RTF2: variants seen among roughly 807,000 people sequenced by gnomAD.
The protein encoded by RTF2 is UPF0549 protein C20orf43.
In RTF2, 18 loss-of-function variants were observed where a neutral mutation model predicts 38.0. The observed-to-expected ratio is 0.47, with a 90% CI of 0.33 to 0.70. The LOEUF is 0.70. Among genes scored for constraint, RTF2 ranks in the 30% least tolerant of loss-of-function variants. The pLI, the probability that RTF2 is intolerant of heterozygous loss-of-function variation, is 0.02. For synonymous variants in RTF2, 126 were observed against 137.1 expected, an observed-to-expected ratio of 0.92 and a Z score of 0.57; for missense variants, 311 against 379.6, an observed-to-expected ratio of 0.82 and a Z score of 1.50.
chr20:56,495,304 G>A (rs1386482427), intron 5 of RTF2: 2 of 1,548,528 alleles, frequency 1.3e-6, no homozygotes, highest in African/African-American at 2.7e-5. Flanking sequence ...GCATCTAAGA[G>A]GAAAACAAAA....
At position 56,476,999 on chromosome 20, in the gene RTF2, G is replaced by A. The variant is rs892645293; in HGVS notation, c.273G>A (p.Leu91=). ...GTTTTTCCCAGAATGTGACAGAGCTGAAGCTTTCTGATAATCCTGCCTGGG... is the reference window on the plus strand; with the variant it reads ...GTTTTTCCCAGAATGTGACAGAGCTAAAGCTTTCTGATAATCCTGCCTGGG... ...HIKSIKNVTE[L]KLSDNPAWEG... is the part of the protein sequence containing the mutation. The change falls in exon 4 of 9, where the codon CTG becomes CTA. Residue 91 remains leucine, a synonymous_variant. Transcript: ENST00000357348. 1 of 1,613,900 alleles carries A rather than the reference G, an allele frequency of 6.2e-7. No individual in the cohort carries two copies. Among genetic ancestry groups the A allele is most frequent in the Admixed American group, 1.7e-5 (1 of 59,998 alleles).
intron 1 of RTF2, among the ~76,000 whole-genome samples, chr20:56,472,090 G>T (rs192086640): frequency 6.6e-6 from 1 of 151,468 alleles, no homozygotes; most frequent in East Asian, 1.9e-4. Flanking sequence ...GGGAATTGGC[G>T]CTTGCTTGTA....
At chr20:56,509,284 A>G (rs1264855841) in intron 5 of RTF2, among the ~76,000 whole-genome samples, 1 of 152,154 alleles carries the variant, frequency 6.6e-6, no homozygotes, top group Non-Finnish European at 1.5e-5. Context: ...TAAAACCACA[A>G]TGAGACAGCA....
At chr20:56,470,812 A>G in intron 1 of RTF2, 1 of 385,348 alleles carries the variant, frequency 2.6e-6, no homozygotes. Flanking sequence ...GTTGCCGACA[A>G]CATCCACATG....
intron 5 of RTF2, among the ~76,000 whole-genome samples, chr20:56,495,453 G>A (rs1983463477): frequency 6.6e-6 from 1 of 152,178 alleles, no homozygotes; most frequent in Non-Finnish European, 1.5e-5. Context: ...TGTTTCACTT[G>A]TAACATCGGA....
At chr20:56,494,186 A>G (rs1332271631) in intron 5 of RTF2, among the ~76,000 whole-genome samples, 1 of 152,228 alleles carries the variant, frequency 6.6e-6, no homozygotes, top group African/African-American at 2.4e-5. Context: ...ATGGATGGCC[A>G]CGCTACTGCC....
intron 1 of RTF2, among the ~76,000 whole-genome samples, chr20:56,469,353 A>G (rs1056359455): frequency 6.6e-6 from 1 of 152,210 alleles, no homozygotes; most frequent in Admixed American, 6.5e-5. Context: ...TTCCTGGCAC[A>G]CTAAATATTT....
At chr20:56,513,775 G>T in intron 6 of RTF2, 2 of 237,122 alleles carry the variant, frequency 8.4e-6, no homozygotes, top group South Asian at 1.3e-4. Context: ...AGCCACCACC[G>T]TTGCTGCTGC....
At chr20:56,480,378 C>G (rs1475518766) in intron 4 of RTF2, among the ~76,000 whole-genome samples, 1 of 152,222 alleles carries the variant, frequency 6.6e-6, no homozygotes, top group African/African-American at 2.4e-5. Flanking sequence ...GGGCCTTGCT[C>G]TGGGTTAGGC....
chr20:56,495,356 C>CTAA, intron 5 of RTF2: 1 of 1,300,640 alleles, frequency 7.7e-7, no homozygotes, highest in Non-Finnish European at 1.1e-6. Context: ...TCTTTTAGTA[C>CTAA]AAGTTCTTCT....
chr20:56,470,573 G>T (rs528954998), intron 1 of RTF2: 1 of 455,986 alleles, frequency 2.2e-6, no homozygotes, highest in Admixed American at 2.3e-5. Flanking sequence ...TTTCCTGGGT[G>T]ACGGGATCAT....
In RTF2 at chr20:56,518,351, T is replaced by C. The variant is rs1297733459; in HGVS notation, c.*86T>C. ...CTTTGTGCCTCTGAGTGCGCTGCTG[T>C]GTGTTCTCTCTATAGTTCTGTGTCA... is the stretch of plus-strand genomic sequence containing the variant. On this transcript the variant is annotated 3_prime_UTR_variant, in exon 9 of 9. Transcript: ENST00000357348. The C allele has an allele frequency of 2.5e-5, 33 of 1,316,932 alleles. No homozygotes were observed. Among genetic ancestry groups the C allele is most frequent in the Non-Finnish European group, 3.5e-5 (33 of 945,176 alleles). The allele number at this position is 1,316,932 out of a possible 1,614,324, so 81.6% of individuals were successfully genotyped here.
chr20:56,499,283 G>A (rs1440944666), intron 5 of RTF2, among the ~76,000 whole-genome samples: 5 of 141,946 alleles, frequency 3.5e-5, no homozygotes, highest in East Asian at 2.1e-4. Flanking sequence ...CACAATCTCC[G>A]CCTCCCGGGT....
chr20:56,491,358 G>GTTTTTT, intron 5 of RTF2: 1 of 574,912 alleles, frequency 1.7e-6, no homozygotes, highest in South Asian at 2.1e-5. Flanking sequence ...GGTAGCTTGA[G>GTTTTTT]TTTTTTTGTC....
intron 4 of RTF2, among the ~76,000 whole-genome samples, chr20:56,480,697 G>T (rs1982487181): frequency 6.6e-6 from 1 of 152,208 alleles, no homozygotes; most frequent in African/African-American, 2.4e-5. Flanking sequence ...AAAGGCCATT[G>T]TAGGGTTCTC....
Position 56,498,432 on chromosome 20 carries a change from T to C in RTF2, c.477+14243T>C, listed in dbSNP as rs1007924792. Among the ~76,000 whole-genome samples, 4 of 151,292 alleles carry C rather than the reference T, an allele frequency of 2.6e-5. No individual in the cohort carries two copies. The South Asian group carries it at 8.3e-4, about 32-fold the overall frequency. ...AAAAAACTTAAAAATTAGCCACATG[T>C]GGTGGTGCCCTGATTATCCCGTTGC... On this transcript the variant is annotated intron_variant, in intron 5 of 8. Transcript: ENST00000357348.
intron 5 of RTF2, among the ~76,000 whole-genome samples, chr20:56,505,344 C>T (rs773161833): frequency 3.3e-5 from 5 of 151,674 alleles, no homozygotes; most frequent in African/African-American, 1.2e-4. Context: ...AAAAATTAGC[C>T]GGATATGGTG....
intron 4 of RTF2, among the ~76,000 whole-genome samples, chr20:56,482,752 A>C (rs1982586343): frequency 6.6e-6 from 1 of 152,238 alleles, no homozygotes; most frequent in African/African-American, 2.4e-5. Flanking sequence ...CTGGGAAATT[A>C]GAGAAAATTT....
intron 5 of RTF2, chr20:56,496,557 C>G: frequency 7.2e-7 from 1 of 1,385,900 alleles, no homozygotes; most frequent in South Asian, 1.6e-5. Context: ...CAAAATCAGT[C>G]AGTCAATCAA....
Sources: allele counts gnomAD v4.1 joint callset (sites outside exome capture counted in the v4.1 genomes callset), GRCh38; gene constraint gnomAD v4.1.1; transcripts MANE v1.5; gene names NCBI Gene and HGNC (gene_info 2026-07-23, HGNC 2026-07-21).